ZNF385B: variants seen among roughly 807,000 people sequenced by gnomAD.
ZNF385B encodes zinc finger protein 533.
ZNF385B carries 23 observed loss-of-function variants against 39.2 expected under a neutral mutation model. The ratio of observed to expected loss-of-function variants is 0.59; its 90% confidence interval spans 0.42 to 0.83. The LOEUF is 0.83. Among genes scored for constraint, ZNF385B ranks in the 40% least tolerant of loss-of-function variants. The pLI, the probability that ZNF385B is intolerant of heterozygous loss-of-function variation, is 0.00. For missense variants in ZNF385B, 552 were observed against 598.9 expected, an observed-to-expected ratio of 0.92 and a Z score of 0.82; for synonymous variants, 205 against 222.6, an observed-to-expected ratio of 0.92 and a Z score of 0.70.
At chr2:179,814,853 C>A (rs1706964722) in intron 1 of ZNF385B, among the ~76,000 whole-genome samples, 1 of 152,160 alleles carries the variant, frequency 6.6e-6, no homozygotes, top group Admixed American at 6.5e-5. Flanking sequence ...AAAATAATAA[C>A]ACTGATGTTA....
At chr2:179,512,788 T>G in intron 5 of ZNF385B, among the ~76,000 whole-genome samples, 1 of 152,216 alleles carries the variant, frequency 6.6e-6, no homozygotes, top group East Asian at 1.9e-4. Flanking sequence ...ATTCCTGGAC[T>G]GCAATGCCTG....
intron 3 of ZNF385B, among the ~76,000 whole-genome samples, chr2:179,676,957 G>A (rs1696918786): frequency 6.6e-6 from 1 of 152,114 alleles, no homozygotes; most frequent in African/African-American, 2.4e-5. Flanking sequence ...ATAACCCCAG[G>A]ATTTATTAAA....
intron 3 of ZNF385B, among the ~76,000 whole-genome samples, chr2:179,756,762 G>A (rs1396115656): frequency 1.3e-5 from 2 of 152,086 alleles, no homozygotes; most frequent in South Asian, 4.1e-4. Context: ...CCAGTTGATC[G>A]AATCGGCTAG....
chr2:179,726,893 A>C (rs112456470), intron 3 of ZNF385B, among the ~76,000 whole-genome samples: 1 of 152,138 alleles, frequency 6.6e-6, no homozygotes, highest in Admixed American at 6.5e-5. Flanking sequence ...AGAGATGTTA[A>C]GTAGTGCAAC....
At chr2:179,753,148 A>G (rs1248273529) in intron 3 of ZNF385B, among the ~76,000 whole-genome samples, 1 of 152,236 alleles carries the variant, frequency 6.6e-6, no homozygotes, top group African/African-American at 2.4e-5. Context: ...AGCTTTCTAC[A>G]TATGGTTAGC....
chr2:179,798,121 C>T lies in ZNF385B; in HGVS notation c.-154-27449G>A, dbSNP rs545670565. ...TACCAACTTATGGATTCTAACATATCTCATGTGTTTCGATCTATTACTGAT... is the reference window on the plus strand; with the variant it reads ...TACCAACTTATGGATTCTAACATATTTCATGTGTTTCGATCTATTACTGAT... On this transcript the variant is annotated intron_variant, in intron 1 of 9. Transcript: ENST00000410066. Among the ~76,000 whole-genome samples, 4 of 152,032 alleles carry T rather than the reference C, an allele frequency of 2.6e-5. No homozygotes were observed. In the South Asian group the frequency reaches 8.3e-4, roughly 32 times the overall value.
At chr2:179,806,754 GA>G (rs1706376990) in intron 1 of ZNF385B, among the ~76,000 whole-genome samples, 1 of 152,110 alleles carries the variant, frequency 6.6e-6, no homozygotes, top group Non-Finnish European at 1.5e-5. Context: ...GAAGAGTCAA[GA>G]TTTAAAACCA....
intron 3 of ZNF385B, among the ~76,000 whole-genome samples, chr2:179,694,975 G>GAGGAGGAGGAGGAGAAGAAAA (rs1698622189): frequency 2.6e-5 from 4 of 151,610 alleles, no homozygotes; most frequent in Admixed American, 2.0e-4. Flanking sequence ...GGAGGAGGAG[G>GAGGAGGAGGAGGAGAAGAAAA]AGGAGGAGGA....
intron 3 of ZNF385B, chr2:179,584,058 TTA>T (rs1372421960): frequency 1.4e-6 from 1 of 716,886 alleles, no homozygotes; most frequent in African/African-American, 1.8e-5. Flanking sequence ...TTCCAAAAGC[TTA>T]TAGTCTACTG....
intron 3 of ZNF385B, among the ~76,000 whole-genome samples, chr2:179,630,455 A>C (rs1691096472): frequency 6.6e-6 from 1 of 152,176 alleles, no homozygotes. Context: ...AAAACTAATA[A>C]ACAGAAAGGA....
intron 5 of ZNF385B, among the ~76,000 whole-genome samples, chr2:179,497,390 A>G (rs1198121096): frequency 3.3e-5 from 5 of 152,100 alleles, no homozygotes; most frequent in African/African-American, 1.2e-4. Flanking sequence ...AAACAACAAA[A>G]AGTTAAAAAG....
chr2:179,645,317 C>A (rs2106231947), intron 3 of ZNF385B, among the ~76,000 whole-genome samples: 1 of 152,322 alleles, frequency 6.6e-6, no homozygotes, highest in African/African-American at 2.4e-5. Flanking sequence ...CCAGGGCTGG[C>A]TCTTAACCCA....
At chr2:179,577,487 T>C (rs534414975) in intron 3 of ZNF385B, among the ~76,000 whole-genome samples, 6 of 152,268 alleles carry the variant, frequency 3.9e-5, no homozygotes, top group African/African-American at 1.2e-4. Context: ...TCTAATTATA[T>C]AGTGTCAGCA....
intron 5 of ZNF385B, among the ~76,000 whole-genome samples, chr2:179,500,056 T>A (rs1467211764): frequency 6.6e-6 from 1 of 151,920 alleles, no homozygotes; most frequent in Non-Finnish European, 1.5e-5. Flanking sequence ...CACATAAAAT[T>A]AAATATCTAA....
At chr2:179,848,869 G>C (rs1277753464) in intron 1 of ZNF385B, among the ~76,000 whole-genome samples, 2 of 152,078 alleles carry the variant, frequency 1.3e-5, no homozygotes. Flanking sequence ...TCTCTTTCAG[G>C]TGTTGTAGAA....
chr2:179,624,931 A>T (rs769793517), intron 3 of ZNF385B, among the ~76,000 whole-genome samples: 34 of 150,380 alleles, frequency 2.3e-4, no homozygotes, highest in Admixed American at 6.0e-4. Flanking sequence ...GATAGGTGGT[A>T]TCTGGGGAGA....
At chr2:179,458,337 T>C (rs552332764) in intron 6 of ZNF385B, among the ~76,000 whole-genome samples, 2 of 152,318 alleles carry the variant, frequency 1.3e-5, no homozygotes, top group Admixed American at 6.5e-5. Flanking sequence ...CTGACATCCA[T>C]GTAAGACATG....
chr2:179,852,611 A>C (rs574370137), intron 1 of ZNF385B, among the ~76,000 whole-genome samples: 4 of 152,254 alleles, frequency 2.6e-5, no homozygotes, highest in African/African-American at 9.6e-5. Flanking sequence ...AAAACCTGTA[A>C]GTAAAGGCCA....
chr2:179,819,059 A>G (rs1707246349), intron 1 of ZNF385B, among the ~76,000 whole-genome samples: 1 of 151,842 alleles, frequency 6.6e-6, no homozygotes, highest in Admixed American at 6.6e-5. Context: ...ACACACACAC[A>G]CACACACACA....
Sources: allele counts gnomAD v4.1 joint callset (sites outside exome capture counted in the v4.1 genomes callset), GRCh38; gene constraint gnomAD v4.1.1; transcripts MANE v1.5; gene names NCBI Gene and HGNC (gene_info 2026-07-23, HGNC 2026-07-21).